ZC3H11A: variants seen among roughly 807,000 people sequenced by gnomAD.
ZC3H11A encodes zinc finger CCCH domain-containing protein 11A.
Under a neutral mutation model 90.8 loss-of-function variants are expected in ZC3H11A, and 22 were observed. The observed-to-expected ratio is 0.24, with a 90% CI of 0.17 to 0.35. The LOEUF is 0.35. Among genes scored for constraint, ZC3H11A ranks in the 10% least tolerant of loss-of-function variants. The pLI, the probability that ZC3H11A is intolerant of heterozygous loss-of-function variation, is 1.00. For missense variants in ZC3H11A, 701 were observed against 964.9 expected (o/e 0.73, Z 3.62); for synonymous variants, 294 against 339.8 (o/e 0.87, Z 1.48).
intron 12 of ZC3H11A, among the ~76,000 whole-genome samples, chr1:203,842,301 T>C (rs1319338073): frequency 6.6e-6 from 1 of 152,170 alleles, no homozygotes; most frequent in East Asian, 1.9e-4. Flanking sequence ...CACTCCAGCC[T>C]GGGCAACATT....
intron 16 of ZC3H11A, among the ~76,000 whole-genome samples, 187 bp from the exon 17 acceptor site, chr1:203,850,870 T>G (rs1295396206): frequency 6.6e-6 from 1 of 152,258 alleles, no homozygotes; most frequent in Admixed American, 6.5e-5. Flanking sequence ...CAGGATTTTT[T>G]AAAAGCTAAT....
chr1:203,819,170 G>T (rs1383978853), intron 4 of ZC3H11A, among the ~76,000 whole-genome samples: 7 of 146,872 alleles, frequency 4.8e-5, no homozygotes, highest in Non-Finnish European at 1.1e-4. Flanking sequence ...GTGTATATAT[G>T]TGTGTGTATA....
chr1:203,813,056 A>G (rs894499686), intron 2 of ZC3H11A, among the ~76,000 whole-genome samples: 5 of 152,034 alleles, frequency 3.3e-5, no homozygotes, highest in Admixed American at 1.3e-4. Flanking sequence ...AGAGTTATAT[A>G]TTTTGTATAT....
intron 12 of ZC3H11A, among the ~76,000 whole-genome samples, chr1:203,846,156 T>A (rs1401607579): frequency 1.5e-5 from 2 of 135,284 alleles, no homozygotes; most frequent in East Asian, 4.9e-4. Context: ...AGATATAATT[T>A]TTTTGGGGGG....
chr1:203,821,197 C>A (rs139488525), intron 4 of ZC3H11A, among the ~76,000 whole-genome samples: 15 of 152,258 alleles, frequency 9.9e-5, no homozygotes, highest in African/African-American at 3.6e-4. Flanking sequence ...CCTTTGCTCG[C>A]GCTCTCTTGC....
chr1:203,807,233 T>TA (rs1241018722), intron 2 of ZC3H11A, among the ~76,000 whole-genome samples: 1 of 152,202 alleles, frequency 6.6e-6, no homozygotes, highest in Non-Finnish European at 1.5e-5. Flanking sequence ...TAGGATTTTT[T>TA]ATCTGTGTCA....
intron 4 of ZC3H11A, among the ~76,000 whole-genome samples, chr1:203,822,302 C>T (rs1679050667): frequency 6.6e-6 from 1 of 152,052 alleles, no homozygotes; most frequent in African/African-American, 2.4e-5. Flanking sequence ...ATGACACACA[C>T]AGCTTCTCCA....
intron 2 of ZC3H11A, among the ~76,000 whole-genome samples, chr1:203,813,704 T>G (rs1048396322): frequency 1.3e-5 from 2 of 152,152 alleles, no homozygotes; most frequent in Non-Finnish European, 2.9e-5. Context: ...CTCTGAAGCC[T>G]GTAGAGGAAT....
intron 4 of ZC3H11A, among the ~76,000 whole-genome samples, chr1:203,825,593 C>T (rs1193357683): frequency 6.6e-6 from 1 of 151,952 alleles, no homozygotes; most frequent in Non-Finnish European, 1.5e-5. Flanking sequence ...CTCCACCATG[C>T]CCAGCTAATT....
At position 203,833,618 on chromosome 1, in the gene ZC3H11A, G is replaced by GTTTTT. The variant is rs553171669; in HGVS notation, c.812-159_812-155dup. ...GGCTGTTTATTATTAATAGGTTTGG[G>GTTTTT]TTTTTTTTTTTTTTTTTTGATATAA... On this transcript the variant is annotated intron_variant, in intron 9 of 17. Transcript: ENST00000367210. Among the ~76,000 whole-genome samples the GTTTTT allele has an allele frequency of 1.4e-3, 171 of 124,812 alleles. 4 individuals carry two copies. The highest frequency in any genetic ancestry group is 3.3e-3 in the African/African-American group (113 of 34,052). 81.9% of individuals were successfully genotyped at this position (124,812 alleles called of 152,430 possible).
In ZC3H11A at chr1:203,849,919, G is replaced by A. The variant is rs769860082; in HGVS notation, c.1832G>A (p.Arg611Gln). 10 of 1,613,928 alleles carry A rather than the reference G, an allele frequency of 6.2e-6. No individual in the cohort carries two copies. The highest frequency in any genetic ancestry group is 1.7e-5 in the Admixed American group (1 of 59,998). The change falls in exon 15 of 18, where the codon CGG becomes CAG. Residue 611 changes from arginine to glutamine, a missense_variant. Arg to Gln is a conservative substitution (Grantham distance 43). Around this residue, in one of 4 missense-constraint regions of ZC3H11A, gnomAD observed 530 missense variants for 696.2 expected, o/e 0.76. Coordinates refer to ENST00000367210, the MANE Select transcript of ZC3H11A (RefSeq NM_001376342.1). Reference protein sequence around the residue: ...VPGITRHLTKRLPTKSSQKVE... With the variant: ...VPGITRHLTKQLPTKSSQKVE... ...GGAATCACACGGCACCTGACCAAGC[G>A]GCTTCCCACAAAGTCATCCCAGAAG...
intron 17 of ZC3H11A, among the ~76,000 whole-genome samples, chr1:203,851,727 CTG>C (rs1336933471): frequency 6.6e-6 from 1 of 152,068 alleles, no homozygotes; most frequent in East Asian, 1.9e-4. Flanking sequence ...TTTTGGGAGA[CTG>C]GGGCTGGAGA....
intron 2 of ZC3H11A, among the ~76,000 whole-genome samples, chr1:203,815,686 A>G (rs1314673386): frequency 6.6e-6 from 1 of 152,204 alleles, no homozygotes; most frequent in Admixed American, 6.5e-5. Context: ...CTCTTAATCC[A>G]GGTTGTTAAC....
At chr1:203,805,589 T>C (rs763565431) in intron 2 of ZC3H11A, 3 of 626,326 alleles carry the variant, frequency 4.8e-6, no homozygotes, top group South Asian at 2.7e-5. Flanking sequence ...TCCCATAATA[T>C]GTTTTACATG....
intron 17 of ZC3H11A, 96 bp downstream of exon 17, chr1:203,851,220 C>A: frequency 9.1e-7 from 1 of 1,102,610 alleles, no homozygotes; most frequent in Non-Finnish European, 1.3e-6. Context: ...TAGCAACATT[C>A]AAATAAATCT....
At chr1:203,800,658 G>T in intron 1 of ZC3H11A, 1 of 448,896 alleles carries the variant, frequency 2.2e-6, no homozygotes, top group Non-Finnish European at 3.8e-6. Context: ...TAACTGTGGC[G>T]CTAGCACTTG....
Position 203,847,764 on chromosome 1 carries a change from G to A in ZC3H11A, c.1546+77G>A, listed in dbSNP as rs1364325151. 9 of 1,533,942 alleles carry A rather than the reference G, an allele frequency of 5.9e-6. No homozygotes were observed. In the East Asian group the frequency reaches 1.6e-4, roughly 27 times the overall value. On this transcript the variant is annotated intron_variant, in intron 13 of 17. Transcript: ENST00000367210. Reference sequence around the variant, plus strand: ...GGAGTGTTCCGTGGGATCTTCCTAGGAGTTGTTTGACAACCTTTCTTTACT... The same window carrying A: ...GGAGTGTTCCGTGGGATCTTCCTAGAAGTTGTTTGACAACCTTTCTTTACT...
At chr1:203,798,418 C>G in intron 1 of ZC3H11A, 1 of 1,534,166 alleles carries the variant, frequency 6.5e-7, no homozygotes, top group Non-Finnish European at 8.7e-7. Flanking sequence ...AGGCCAGGGT[C>G]CCACTTAGGG....
At chr1:203,799,932 G>A (rs1454128037) in intron 1 of ZC3H11A, 2 of 1,535,962 alleles carry the variant, frequency 1.3e-6, no homozygotes, top group African/African-American at 2.7e-5. Flanking sequence ...TAATTATATG[G>A]AATCTTCACC....
Sources: allele counts gnomAD v4.1 joint callset (sites outside exome capture counted in the v4.1 genomes callset), GRCh38; gene constraint gnomAD v4.1.1; regional missense constraint gnomAD v4.1.1; transcripts MANE v1.5; gene names NCBI Gene and HGNC (gene_info 2026-07-23, HGNC 2026-07-21).